ROBO2: variants seen among roughly 807,000 people sequenced by gnomAD.
ROBO2 encodes the protein roundabout homolog 2.
ROBO2 carries 53 observed loss-of-function variants against 160.8 expected under a neutral mutation model. The observed-to-expected ratio is 0.33, with a 90% confidence interval of 0.26 to 0.41. The LOEUF is 0.41. Ranked by LOEUF, ROBO2 falls within the 10% of genes least tolerant of loss-of-function variation. ROBO2 has a pLI of 1.00. For missense variants in ROBO2, 1,577 were observed against 1,722.4 expected, an observed-to-expected ratio of 0.92 and a Z score of 1.49; for synonymous variants, 664 against 611.7, an observed-to-expected ratio of 1.09 and a Z score of -1.26.
At chr3:76,978,217 G>C (rs960100697) in intron 2 of ROBO2, among the ~76,000 whole-genome samples, 3 of 152,020 alleles carry the variant, frequency 2.0e-5, no homozygotes, top group African/African-American at 7.2e-5. Flanking sequence ...CATATTCAAG[G>C]CTCTGATTTA....
chr3:77,127,224 T>C (rs1193160751), intron 2 of ROBO2, among the ~76,000 whole-genome samples: 1 of 152,200 alleles, frequency 6.6e-6, no homozygotes, highest in Non-Finnish European at 1.5e-5. Flanking sequence ...GCACCTTTTT[T>C]GTTTCAAATG....
chr3:77,433,486 GTA>G (rs57475227), intron 2 of ROBO2, among the ~76,000 whole-genome samples: 10,326 of 99,024 alleles, frequency 0.1, 765 homozygotes, highest in Middle Eastern at 0.16. Context: ...CTGGCAACTT[GTA>G]TATATATATA....
chr3:76,480,206 T>G (rs764270203), intron 2 of ROBO2, among the ~76,000 whole-genome samples: 7 of 152,170 alleles, frequency 4.6e-5, no homozygotes, highest in Non-Finnish European at 7.4e-5. Flanking sequence ...AATTAAATGA[T>G]TACACATTCA....
intron 2 of ROBO2, among the ~76,000 whole-genome samples, chr3:76,771,334 T>G (rs573802179): frequency 6.6e-6 from 1 of 151,482 alleles, no homozygotes; most frequent in East Asian, 2.0e-4. Flanking sequence ...TCACCTGTTC[T>G]TTTTTGTCCT....
chr3:76,859,699 A>C (rs2070532584), intron 2 of ROBO2, among the ~76,000 whole-genome samples: 2 of 152,178 alleles, frequency 1.3e-5, no homozygotes, highest in Non-Finnish European at 2.9e-5. Flanking sequence ...TCTCAGCCAC[A>C]ACCTCCTGCA....
At chr3:77,635,617 T>C (rs1477449042) in intron 24 of ROBO2, among the ~76,000 whole-genome samples, 1 of 152,224 alleles carries the variant, frequency 6.6e-6, no homozygotes, top group African/African-American at 2.4e-5. Flanking sequence ...GATGTCATAC[T>C]GTATTTATGT....
At chr3:77,110,877 C>T (rs527810381) in intron 2 of ROBO2, among the ~76,000 whole-genome samples, 2 of 151,778 alleles carry the variant, frequency 1.3e-5, no homozygotes, top group Admixed American at 6.6e-5. Context: ...TACTTTTTGT[C>T]GAGATGGGGT....
At chr3:77,049,692 T>C (rs1020398998) in intron 1 of ROBO2, among the ~76,000 whole-genome samples, 3 of 152,214 alleles carry the variant, frequency 2.0e-5, no homozygotes, top group Admixed American at 6.5e-5. Flanking sequence ...ACAGCCACTT[T>C]TTAATTTCTG....
intron 17 of ROBO2, among the ~76,000 whole-genome samples, chr3:77,591,462 A>G (rs1467518340): frequency 6.6e-6 from 1 of 152,124 alleles, no homozygotes; most frequent in Non-Finnish European, 1.5e-5. Flanking sequence ...CCTGTGAGGT[A>G]ATATTAGAGT....
intron 2 of ROBO2, among the ~76,000 whole-genome samples, chr3:76,215,049 C>G (rs976364718): frequency 5.9e-5 from 9 of 152,156 alleles, no homozygotes; most frequent in African/African-American, 2.2e-4. Flanking sequence ...CCCAGGAAAA[C>G]AGGGTCTGGA....
At chr3:77,041,774 A>G (rs2064125186) in intron 1 of ROBO2, among the ~76,000 whole-genome samples, 1 of 152,200 alleles carries the variant, frequency 6.6e-6, no homozygotes, top group South Asian at 2.1e-4. Flanking sequence ...ATATCGATGG[A>G]AACAACTGGT....
chr3:77,448,282 G>A (rs778699487), intron 2 of ROBO2, among the ~76,000 whole-genome samples: 13 of 152,052 alleles, frequency 8.5e-5, no homozygotes, highest in Admixed American at 4.6e-4. Context: ...TTACTATGAG[G>A]GGAGAGTAGC....
At chr3:77,317,035 A>T in intron 2 of ROBO2, 1 of 1,528,668 alleles carries the variant, frequency 6.5e-7, no homozygotes, top group South Asian at 1.1e-5. Flanking sequence ...GGAGCCGCCA[A>T]ACTCTGTCCC....
At chr3:77,249,842 C>A (rs2153289786) in intron 2 of ROBO2, among the ~76,000 whole-genome samples, 1 of 150,830 alleles carries the variant, frequency 6.6e-6, no homozygotes, top group East Asian at 1.9e-4. Flanking sequence ...GACCCATATG[C>A]ATAAATACTG....
chr3:76,898,235 T>C (rs2074961371), intron 2 of ROBO2, among the ~76,000 whole-genome samples: 1 of 152,134 alleles, frequency 6.6e-6, no homozygotes, highest in Non-Finnish European at 1.5e-5. Context: ...AAGGCTTTAT[T>C]TTTAAAGTGC....
At chr3:75,986,716 T>G (rs1442669031) in intron 2 of ROBO2, among the ~76,000 whole-genome samples, 1 of 151,780 alleles carries the variant, frequency 6.6e-6, no homozygotes. Flanking sequence ...TTGAGTCAAT[T>G]TTTCTGCATA....
intron 2 of ROBO2, among the ~76,000 whole-genome samples, chr3:76,335,187 T>TG (rs2073791128): frequency 7.0e-6 from 1 of 142,162 alleles, no homozygotes; most frequent in East Asian, 2.1e-4. Flanking sequence ...TGTTTTTTTT[T>TG]TTTTTTTTTT....
At chr3:77,153,676 C>T (rs1048232624) in intron 2 of ROBO2, among the ~76,000 whole-genome samples, 1 of 152,014 alleles carries the variant, frequency 6.6e-6, no homozygotes, top group Non-Finnish European at 1.5e-5. Flanking sequence ...TTCCTTCCTT[C>T]GAAATAACAA....
chr3:75,909,775 C>T (rs1395489343), intron 1 of ROBO2, among the ~76,000 whole-genome samples: 1 of 152,102 alleles, frequency 6.6e-6, no homozygotes, highest in African/African-American at 2.4e-5. Flanking sequence ...CTTTCTAATT[C>T]TTTCAGAAAG....
Sources: allele counts gnomAD v4.1 joint callset (sites outside exome capture counted in the v4.1 genomes callset), GRCh38; gene constraint gnomAD v4.1.1; transcripts MANE v1.5; gene names NCBI Gene and HGNC (gene_info 2026-07-23, HGNC 2026-07-21).